Variants in BBX observed in about 807,000 individuals in gnomAD.
BBX encodes the protein BBX high mobility group box domain containing.
BBX carries 30 observed loss-of-function variants against 100.2 expected under a neutral mutation model. That is an observed-to-expected ratio of 0.30 (90% CI 0.22 to 0.41). The LOEUF (loss-of-function observed/expected upper bound fraction) is 0.41, where lower values mean the gene tolerates loss of function less well. BBX is among the 10% of genes least tolerant of loss of function. The probability of loss-of-function intolerance (pLI) is 1.00; values close to 1 mark genes in which losing one functional copy is unlikely to be tolerated. For missense variants in BBX, 1,023 were observed against 1,129.8 expected (o/e 0.91, Z 1.35); for synonymous variants, 376 against 388.1 (o/e 0.97, Z 0.37).
Position 107,773,390 on chromosome 3 carries a change from A to T in BBX, c.1669A>T (p.Ser557Cys). 1 of 1,614,150 alleles carries T rather than the reference A, an allele frequency of 6.2e-7. No individual in the cohort carries two copies. Among genetic ancestry groups the T allele is most frequent in the East Asian group, 2.2e-5 (1 of 44,874 alleles). The change falls in exon 11 of 18, where the codon AGT (serine) becomes TGT (cysteine). Residue 557 changes from serine (S) to cysteine (C), a missense_variant. Ser to Cys is a moderately radical substitution (Grantham distance 112). Coordinates refer to ENST00000325805, the MANE Select transcript of BBX (RefSeq NM_001142568.3). The surrounding 1 kb of genome is among the most constrained non-coding windows in gnomAD (Gnocchi z 4.1). ...TKESRPPDFI[S>C]ISASKNISGE... ...AGAGTCAAGACCTCCAGATTTCATT[A>T]GTATTTCTGCTAGCAAGAACATTTC...
chr3:107,549,836 A>G (rs2049527439), intron 2 of BBX, among the ~76,000 whole-genome samples: 1 of 151,840 alleles, frequency 6.6e-6, no homozygotes, highest in South Asian at 2.1e-4. Context: ...TGGACTGAGA[A>G]AAAGTGTCTT....
intron 2 of BBX, among the ~76,000 whole-genome samples, chr3:107,577,954 A>G (rs1406758102): frequency 6.6e-6 from 1 of 152,194 alleles, no homozygotes; most frequent in African/African-American, 2.4e-5. Flanking sequence ...GTAGGGGGAA[A>G]AAAACCCTTG....
chr3:107,641,849 T>A (rs1345138426), intron 2 of BBX: 1 of 152,254 alleles, frequency 6.6e-6, no homozygotes, highest in Admixed American at 6.5e-5. Context: ...AAGCTTCAAC[T>A]GTAAAAGACA....
intron 2 of BBX, among the ~76,000 whole-genome samples, chr3:107,595,234 C>T (rs1438198160): frequency 6.6e-6 from 1 of 152,142 alleles, no homozygotes; most frequent in African/African-American, 2.4e-5. Flanking sequence ...AATCAGTAAC[C>T]TGGGAATAAT....
chr3:107,528,771 T>A (rs1035904048), intron 2 of BBX, among the ~76,000 whole-genome samples: 1 of 152,220 alleles, frequency 6.6e-6, no homozygotes, highest in Non-Finnish European at 1.5e-5. Flanking sequence ...GGTCTGAAGA[T>A]GTTGTGCAAC....
At chr3:107,558,035 A>G (rs1559808838) in intron 2 of BBX, among the ~76,000 whole-genome samples, 1 of 152,230 alleles carries the variant, frequency 6.6e-6, no homozygotes, top group East Asian at 1.9e-4. Context: ...CTGTGGTTTA[A>G]TAAGTCTTCC....
At chr3:107,566,288 C>T (rs2050909481) in intron 2 of BBX, among the ~76,000 whole-genome samples, 2 of 146,512 alleles carry the variant, frequency 1.4e-5, no homozygotes, top group Admixed American at 1.4e-4. Flanking sequence ...TGATGTTAAA[C>T]ATCCTTACAT....
At chr3:107,710,115 TAC>T (rs2061625526) in intron 3 of BBX, among the ~76,000 whole-genome samples, 1 of 152,210 alleles carries the variant, frequency 6.6e-6, no homozygotes, top group Non-Finnish European at 1.5e-5. Flanking sequence ...CCTGAGTAAA[TAC>T]ACACAGGTGA....
chr3:107,591,662 A>G (rs1330136053), intron 2 of BBX, among the ~76,000 whole-genome samples: 3 of 152,026 alleles, frequency 2.0e-5, no homozygotes, highest in Non-Finnish European at 4.4e-5. Context: ...TAATTTTTGT[A>G]TTTTTTGTAC....
intron 2 of BBX, among the ~76,000 whole-genome samples, chr3:107,612,742 C>T (rs2054933665): frequency 6.6e-6 from 1 of 152,204 alleles, no homozygotes; most frequent in Non-Finnish European, 1.5e-5. Flanking sequence ...GTAACCACTA[C>T]TTGTCTACTG....
chr3:107,573,675 T>G (rs2051548888), intron 2 of BBX, among the ~76,000 whole-genome samples: 1 of 152,244 alleles, frequency 6.6e-6, no homozygotes. Flanking sequence ...TTCAGTACAT[T>G]TTAAAGGAAA....
At chr3:107,552,377 A>ACT (rs2049773935) in intron 2 of BBX, among the ~76,000 whole-genome samples, 2 of 104,328 alleles carry the variant, frequency 1.9e-5, no homozygotes, top group Non-Finnish European at 4.0e-5. Flanking sequence ...AAAAAAAGGG[A>ACT]TTGCTCTTGG....
chr3:107,597,114 A>G (rs1444856309), intron 2 of BBX, among the ~76,000 whole-genome samples: 2 of 152,216 alleles, frequency 1.3e-5, no homozygotes, highest in Admixed American at 1.3e-4. Flanking sequence ...ATTTCTTAGT[A>G]AAATTGTTAT....
At position 107,738,812 on chromosome 3, in the gene BBX, A is replaced by G. The variant is rs866950418; in HGVS notation, c.669+5789A>G. Among the ~76,000 whole-genome samples the G allele has an allele frequency of 2.2e-4, 34 of 152,276 alleles. No individual in the cohort carries two copies. The Middle Eastern group carries it at 0.01, about 46-fold the overall frequency. Reference sequence around the variant, plus strand: ...CTTTCTGGGGCCAGGCACTGTGTTCACAGTTGACATTGAGTATCTCATTCT... The same window carrying G: ...CTTTCTGGGGCCAGGCACTGTGTTCGCAGTTGACATTGAGTATCTCATTCT... On this transcript the variant is annotated intron_variant, in intron 7 of 17. Coordinates refer to ENST00000325805, the MANE Select transcript of BBX (RefSeq NM_001142568.3).
chr3:107,547,757 G>T (rs1277378395), intron 2 of BBX, among the ~76,000 whole-genome samples: 1 of 150,528 alleles, frequency 6.6e-6, no homozygotes, highest in African/African-American at 2.5e-5. Context: ...ACCTCACTCT[G>T]CTCTCCTTCC....
intron 10 of BBX, among the ~76,000 whole-genome samples, chr3:107,757,881 A>G (rs1457487828): frequency 6.6e-6 from 1 of 152,208 alleles, no homozygotes; most frequent in Non-Finnish European, 1.5e-5. Flanking sequence ...ACACAACCTT[A>G]AATTCACACA....
chr3:107,801,370 G>C, intron 17 of BBX, 89 bp downstream of exon 17: 3 of 1,432,796 alleles, frequency 2.1e-6, no homozygotes, highest in Non-Finnish European at 2.8e-6. Flanking sequence ...CAGGGCATTG[G>C]GGTTCAAACT....
chr3:107,668,870 A>G (rs1398095240), intron 3 of BBX, among the ~76,000 whole-genome samples: 1 of 152,254 alleles, frequency 6.6e-6, no homozygotes, highest in East Asian at 1.9e-4. Flanking sequence ...TATTTTTTGT[A>G]CTTACTATGG....
At chr3:107,629,885 A>G (rs2056439085) in intron 2 of BBX, among the ~76,000 whole-genome samples, 1 of 152,104 alleles carries the variant, frequency 6.6e-6, no homozygotes, top group African/African-American at 2.4e-5. Flanking sequence ...ATTTTTTTTA[A>G]TACACAGATC....
Sources: gnomAD v4.1 joint callset for allele counts (sites outside exome capture counted in the v4.1 genomes callset) on GRCh38, gnomAD v4.1.1 for gene constraint, Gnocchi (gnomAD v3.1) non-coding constraint, MANE v1.5 for transcripts, NCBI Gene and HGNC (gene_info 2026-07-23, HGNC 2026-07-21) for gene names.